The following UBXN4 variants were observed in gnomAD, a reference collection of about 807,000 sequenced individuals.
The protein encoded by UBXN4 is UBX domain protein 4, also known as UBX domain-containing protein 4.
Under a neutral mutation model 66.2 loss-of-function variants are expected in UBXN4, and 35 were observed. The ratio of observed to expected loss-of-function variants is 0.53; its 90% CI spans 0.40 to 0.70. The LOEUF (loss-of-function observed/expected upper bound fraction) is 0.70. Ranked by LOEUF, UBXN4 falls within the 30% of genes least tolerant of loss-of-function variation. The probability of loss-of-function intolerance (pLI) is 0.00; values close to 1 mark genes in which losing one functional copy is unlikely to be tolerated. For synonymous variants in UBXN4, 203 were observed against 204.5 expected, an observed-to-expected ratio of 0.99 and a Z score of 0.06; for missense variants, 533 against 599.8, an observed-to-expected ratio of 0.89 and a Z score of 1.16.
rs374661393 is a variant in UBXN4 at position 135,748,249 on chromosome 2, T to G, written c.83-18T>G. On this transcript the variant is annotated intron_variant, in intron 1 of 12. Transcript: ENST00000272638. ...GCAGATCCCAGCCTGGTATAAGAATTTTTGAAATGTTTTACAGGTGATGAT... is the reference window on the plus strand; with the variant it reads ...GCAGATCCCAGCCTGGTATAAGAATGTTTGAAATGTTTTACAGGTGATGAT... The G allele has an allele frequency of 6.5e-6, 10 of 1,533,118 alleles. No homozygotes were observed. In the Admixed American group the frequency reaches 1.7e-4, roughly 26 times the overall value. 95.0% of individuals were successfully genotyped at this position (1,533,118 alleles called of 1,614,324 possible). A position where few individuals can be genotyped will look rare whatever the true frequency, so the allele number is the denominator to read the frequency against.
At chr2:135,742,040 C>G in intron 1 of UBXN4, 29 bp downstream of exon 1, 1 of 1,607,816 alleles carries the variant, frequency 6.2e-7, no homozygotes, top group Non-Finnish European at 8.5e-7. Flanking sequence ...CGAGAGGCGG[C>G]CGGGACACCC....
intron 5 of UBXN4, among the ~76,000 whole-genome samples, chr2:135,757,614 T>C (rs2077286104): frequency 6.6e-6 from 1 of 152,200 alleles, no homozygotes. Flanking sequence ...CAAAAAATGC[T>C]GGATTGTATC....
chr2:135,772,824 G>A (rs1267836333), intron 9 of UBXN4, among the ~76,000 whole-genome samples: 2 of 151,890 alleles, frequency 1.3e-5, no homozygotes, highest in Non-Finnish European at 2.9e-5. Context: ...GGATCACGAG[G>A]TCAGGAGATC....
intron 6 of UBXN4, among the ~76,000 whole-genome samples, chr2:135,762,730 G>C (rs1401448426): frequency 6.6e-6 from 1 of 152,160 alleles, no homozygotes; most frequent in Non-Finnish European, 1.5e-5. Context: ...GTGAAAAGCA[G>C]GCTGGACCTC....
Position 135,782,754 on chromosome 2 carries a change from C to T in UBXN4, c.1394C>T (p.Pro465Leu), listed in dbSNP as rs753250604. ...ASSSKSEKRE[P>L]VRKRVLEKRG... The stretch of plus-strand genomic sequence containing the variant: ...CTCCCTCTTTTTCGTATCAGGGAAC[C>T]AGTGAGAAAAAGAGTGCTGGAAAAA... Residue 465 changes from proline (P) to leucine (L), a missense_variant, in exon 13 of 13, where the codon CCA becomes CTA. Physicochemically the swap from Pro to Leu is moderately conservative, Grantham distance 98. This residue lies in a region of UBXN4 where 529 missense variants were observed against 580.1 expected (regional missense o/e 0.91). Transcript: ENST00000272638. 9.9e-6 allele frequency: 16 copies of T among 1,612,422 alleles called. No homozygotes were observed. The highest frequency in any genetic ancestry group is 5.4e-5 in the African/African-American group (4 of 74,704).
intron 11 of UBXN4, 29 bp downstream of exon 11, chr2:135,779,108 CTT>C: frequency 6.5e-7 from 1 of 1,542,604 alleles, no homozygotes; most frequent in Non-Finnish European, 8.7e-7. Context: ...ATTTTTTTCT[CTT>C]CTTATTGTTT....
rs774504420 is a variant in UBXN4 at position 135,741,976 on chromosome 2, A to G, written c.47A>G (p.Lys16Arg). Reference protein sequence around the residue: ...GAIPAAIATAKRSGAVFVVFV... With the variant: ...GAIPAAIATARRSGAVFVVFV... ...ATTCCGGCCGCCATCGCGACGGCCA[A>G]AAGGAGCGGCGCGGTCTTCGTGGTG... is the stretch of plus-strand genomic sequence containing the variant. The change falls in exon 1 of 13, where the codon AAA (lysine) becomes AGA (arginine). Residue 16 changes from lysine to arginine, a missense_variant. By Grantham distance (26) the Lys-to-Arg change is conservative. This residue lies in a region of UBXN4 where 529 missense variants were observed against 580.1 expected (regional missense o/e 0.91). Coordinates refer to ENST00000272638, the MANE Select transcript of UBXN4 (RefSeq NM_014607.4). 1.4e-5 allele frequency: 23 copies of G among 1,613,368 alleles called. No homozygotes were observed. The highest frequency in any genetic ancestry group is 4.0e-5 in the African/African-American group (3 of 74,860).
chr2:135,754,727 A>G (rs1273026986), intron 4 of UBXN4, among the ~76,000 whole-genome samples: 7 of 152,212 alleles, frequency 4.6e-5, no homozygotes, highest in Non-Finnish European at 1.0e-4. Context: ...TTTTGTAAAT[A>G]GCATGAAGTT....
chr2:135,767,572 C>T (rs760983735), intron 6 of UBXN4, among the ~76,000 whole-genome samples: 2 of 152,180 alleles, frequency 1.3e-5, no homozygotes, highest in African/African-American at 2.4e-5. Context: ...GAGGCTTATC[C>T]GTGTTGCATG....
At chr2:135,772,714 A>G (rs1182892060) in intron 9 of UBXN4, among the ~76,000 whole-genome samples, 167 bp downstream of exon 9, 5 of 152,178 alleles carry the variant, frequency 3.3e-5, no homozygotes, top group African/African-American at 7.2e-5. Context: ...GTGAGTGTAC[A>G]CTAAAAAAGT....
At chr2:135,749,858 C>T (rs990037744) in intron 2 of UBXN4, among the ~76,000 whole-genome samples, 4 of 152,236 alleles carry the variant, frequency 2.6e-5, no homozygotes, top group East Asian at 1.9e-4. Context: ...CTCCCCTGCT[C>T]CTTGGAATTT....
chr2:135,750,812 T>C (rs2077236102), intron 2 of UBXN4, among the ~76,000 whole-genome samples: 1 of 147,398 alleles, frequency 6.8e-6, no homozygotes, highest in Non-Finnish European at 1.5e-5. Flanking sequence ...TTCTTGAGAT[T>C]GTATACAGAC....
At chr2:135,752,209 A>G (rs1425827977) in intron 2 of UBXN4, among the ~76,000 whole-genome samples, 2 of 151,964 alleles carry the variant, frequency 1.3e-5, no homozygotes, top group African/African-American at 4.8e-5. Flanking sequence ...CACCACACCC[A>G]GCTAATTTTT....
intron 1 of UBXN4, among the ~76,000 whole-genome samples, chr2:135,745,358 C>T (rs2077200932): frequency 6.6e-6 from 1 of 152,166 alleles, no homozygotes. Flanking sequence ...TTTAGCTTAA[C>T]TGTCACCTCA....
chr2:135,742,781 G>A (rs1267498768), intron 1 of UBXN4: 1 of 152,044 alleles, frequency 6.6e-6, no homozygotes, highest in African/African-American at 2.4e-5. Flanking sequence ...GGCAGTCTTG[G>A]TAGGGGATCT....
At chr2:135,753,495 A>G (rs2077259445) in intron 2 of UBXN4, 44 bp from the exon 3 acceptor site, 15 of 1,495,694 alleles carry the variant, frequency 1.0e-5, no homozygotes, top group African/African-American at 1.5e-5. Context: ...TATTTAGAAA[A>G]TACTTGCATT....
In UBXN4 at chr2:135,755,674, A is replaced by T; in HGVS notation, c.491A>T (p.Lys164Met). 6.5e-7 allele frequency: 1 copy of T among 1,544,450 alleles called. No homozygotes were observed. Among genetic ancestry groups the T allele is most frequent in the Non-Finnish European group, 8.7e-7 (1 of 1,143,552 alleles). The change falls in exon 5 of 13, where the codon AAG (lysine) becomes ATG (methionine). Residue 164 changes from lysine (K) to methionine (M), a missense_variant. This residue lies in a region of UBXN4 where 529 missense variants were observed against 580.1 expected (regional missense o/e 0.91). Transcript: ENST00000272638. ...GAGATACCACCCACTTCTGATACAAAGTCAGATACTGCAACAGGTAACTTT... is the reference window on the plus strand; with the variant it reads ...GAGATACCACCCACTTCTGATACAATGTCAGATACTGCAACAGGTAACTTT... ...LCEIPPTSDT[K>M]SDTATGGESA...
At chr2:135,780,465 T>A in intron 12 of UBXN4, 80 bp downstream of exon 12, 1 of 1,399,886 alleles carries the variant, frequency 7.1e-7, no homozygotes, top group South Asian at 1.2e-5. Flanking sequence ...TTGAGTACTT[T>A]GCCTTTCTGT....
At chr2:135,764,796 G>A (rs1040678309) in intron 6 of UBXN4, among the ~76,000 whole-genome samples, 1 of 151,220 alleles carries the variant, frequency 6.6e-6, no homozygotes, top group African/African-American at 2.4e-5. Flanking sequence ...GTGAGCCACA[G>A]CACCTCGCCT....
Sources: gnomAD v4.1 joint callset for allele counts (sites outside exome capture counted in the v4.1 genomes callset) on GRCh38, gnomAD v4.1.1 for gene constraint, gnomAD v4.1.1 regional missense constraint, MANE v1.5 for transcripts, NCBI Gene and HGNC (gene_info 2026-07-23, HGNC 2026-07-21) for gene names.